Variants in CHN2 observed in about 807,000 individuals in gnomAD.
CHN2 encodes the protein beta-chimaerin.
In CHN2, 35 loss-of-function variants were observed where a neutral mutation model predicts 56.3. That is an observed-to-expected ratio of 0.62 (90% CI 0.47 to 0.82). The LOEUF is 0.82. CHN2 is among the 40% of genes least tolerant of loss of function. The pLI is 0.00. For synonymous variants in CHN2, 210 were observed against 212.8 expected (o/e 0.99, Z 0.12); for missense variants, 491 against 580.5 (o/e 0.85, Z 1.58).
At chr7:29,185,049 A>G (rs186378177) in intron 2 of CHN2, among the ~76,000 whole-genome samples, 1 of 152,286 alleles carries the variant, frequency 6.6e-6, no homozygotes, top group Admixed American at 6.5e-5. Context: ...TTTTATTTTC[A>G]TATATTCAGA....
At chr7:29,195,325 G>A (rs998839339) in intron 1 of CHN2, 3 of 307,512 alleles carry the variant, frequency 9.8e-6, no homozygotes, top group Non-Finnish European at 1.8e-5. Context: ...CTGGCGGGGC[G>A]GAGAAGGTTG....
intron 1 of CHN2, among the ~76,000 whole-genome samples, chr7:29,299,229 C>A (rs1317618802): frequency 6.6e-6 from 1 of 152,152 alleles, no homozygotes; most frequent in Non-Finnish European, 1.5e-5. Flanking sequence ...TCCGGGGACC[C>A]CTTTCTACTT....
intron 6 of CHN2, among the ~76,000 whole-genome samples, chr7:29,462,974 A>T (rs989570024): frequency 7.2e-6 from 1 of 137,934 alleles, no homozygotes; most frequent in Admixed American, 8.2e-5. Flanking sequence ...CCCAAGGAAG[A>T]GACCTACCTC....
chr7:29,472,004 G>C (rs1786092686), intron 6 of CHN2, among the ~76,000 whole-genome samples: 1 of 152,112 alleles, frequency 6.6e-6, no homozygotes, highest in African/African-American at 2.4e-5. Flanking sequence ...CAATTCTTAG[G>C]AAAGGCAAGG....
At chr7:29,155,351 G>C (rs899740381) in intron 2 of CHN2, among the ~76,000 whole-genome samples, 1 of 152,062 alleles carries the variant, frequency 6.6e-6, no homozygotes, top group African/African-American at 2.4e-5. Flanking sequence ...GGAAAGACAA[G>C]GCTGAGAGAA....
intron 12 of CHN2, among the ~76,000 whole-genome samples, chr7:29,511,452 T>C (rs547425583): frequency 3.7e-4 from 57 of 152,216 alleles, no homozygotes; most frequent in Non-Finnish European, 6.0e-4. Context: ...CAGCTGAACC[T>C]TAAATGCCAA....
intron 1 of CHN2, among the ~76,000 whole-genome samples, chr7:29,338,533 T>C (rs1796799780): frequency 1.3e-5 from 2 of 152,330 alleles, no homozygotes; most frequent in South Asian, 4.1e-4. Context: ...TTTATTTGCC[T>C]GTACAATGGG....
At chr7:29,489,120 A>C (rs990507525) in intron 7 of CHN2, among the ~76,000 whole-genome samples, 2 of 152,204 alleles carry the variant, frequency 1.3e-5, no homozygotes, top group African/African-American at 4.8e-5. Flanking sequence ...CTGTGTTGAG[A>C]GATACTTGCT....
chr7:29,324,595 T>C (rs1359986537), intron 1 of CHN2, among the ~76,000 whole-genome samples: 1 of 150,268 alleles, frequency 6.7e-6, no homozygotes, highest in Non-Finnish European at 1.5e-5. Context: ...TCTTCTAACA[T>C]CAGCTGTGAC....
At chr7:29,446,241 T>C (rs779705817) in intron 6 of CHN2, among the ~76,000 whole-genome samples, 17 of 152,182 alleles carry the variant, frequency 1.1e-4, no homozygotes, top group Non-Finnish European at 1.9e-4. Context: ...TATTTATCCA[T>C]GTAACTAAAC....
intron 1 of CHN2, among the ~76,000 whole-genome samples, chr7:29,266,937 G>T (rs928242967): frequency 4.0e-5 from 5 of 126,518 alleles, no homozygotes; most frequent in East Asian, 1.3e-3. Context: ...AAGTGCAATT[G>T]GCCCTTCTCC....
chr7:29,508,758 G>C (rs1047460557), intron 11 of CHN2, among the ~76,000 whole-genome samples: 1 of 152,108 alleles, frequency 6.6e-6, no homozygotes, highest in African/African-American at 2.4e-5. Context: ...TCCTAACCTG[G>C]GCTGTGCACC....
intron 1 of CHN2, among the ~76,000 whole-genome samples, chr7:29,310,684 G>A (rs1367150008): frequency 6.6e-6 from 1 of 152,178 alleles, no homozygotes; most frequent in African/African-American, 2.4e-5. Context: ...TACAGGTTTG[G>A]TGTCTGGTGA....
At chr7:29,457,366 A>G (rs1784844911) in intron 6 of CHN2, among the ~76,000 whole-genome samples, 1 of 152,068 alleles carries the variant, frequency 6.6e-6, no homozygotes, top group African/African-American at 2.4e-5. Context: ...AAGGGAGACC[A>G]TGTTCCTTGC....
chr7:29,206,532 G>A (rs773353765), intron 1 of CHN2, among the ~76,000 whole-genome samples: 3 of 152,188 alleles, frequency 2.0e-5, no homozygotes, highest in Non-Finnish European at 2.9e-5. Flanking sequence ...CACCTGCATC[G>A]GCCTCCCAGA....
chr7:29,373,178 C>CTT (rs907793573), intron 3 of CHN2, among the ~76,000 whole-genome samples: 2 of 146,216 alleles, frequency 1.4e-5, no homozygotes, highest in South Asian at 2.2e-4. Context: ...AGTGGCCAAT[C>CTT]TTTTTTTTTT....
At chr7:29,300,365 T>C (rs961306444) in intron 1 of CHN2, among the ~76,000 whole-genome samples, 2 of 152,010 alleles carry the variant, frequency 1.3e-5, no homozygotes, top group Non-Finnish European at 2.9e-5. Context: ...ATTAGTGACA[T>C]ATGAGAAACA....
rs868533173 is a variant in CHN2, at chr7:29,218,859, C to T, written c.49+23869C>T. On this transcript the variant is annotated intron_variant, in intron 1 of 12. Transcript: ENST00000222792. ...AGGAGATATACCTAATGCTAAATGA[C>T]GAGTTAATGGGTGCAGCACACCAGC... Among the ~76,000 whole-genome samples, 12 of 150,428 alleles carry T rather than the reference C, an allele frequency of 8.0e-5. No individual in the cohort carries two copies. In the South Asian group the frequency reaches 1.1e-3, roughly 13 times the overall value.
chr7:29,147,240 A>T (rs1393086616), intron 2 of CHN2: 2 of 409,468 alleles, frequency 4.9e-6, no homozygotes, highest in Non-Finnish European at 8.8e-6. Context: ...ATAACACAAA[A>T]TAAAGGAGGG....
Sources: allele counts gnomAD v4.1 joint callset (sites outside exome capture counted in the v4.1 genomes callset), GRCh38; gene constraint gnomAD v4.1.1; transcripts MANE v1.5; gene names NCBI Gene and HGNC (gene_info 2026-07-23, HGNC 2026-07-21).